The following ITGA8 variants were observed in gnomAD, a reference collection of about 807,000 sequenced individuals.
The protein encoded by ITGA8 is integrin alpha-8.
A neutral mutation model predicts 142.3 loss-of-function variants in ITGA8; 91 were observed. That is an observed-to-expected ratio of 0.64 (90% CI 0.54 to 0.76). The LOEUF is 0.76. Ranked by LOEUF, ITGA8 falls within the 30% of genes least tolerant of loss-of-function variation. ITGA8 has a pLI of 0.00. For synonymous variants in ITGA8, 505 were observed against 485.2 expected (o/e 1.04, Z -0.54); for missense variants, 1,406 against 1,327.7 (o/e 1.06, Z -0.92).
chr10:15,639,836 A>G (rs1833838920), intron 13 of ITGA8, among the ~76,000 whole-genome samples: 1 of 152,200 alleles, frequency 6.6e-6, no homozygotes, highest in Non-Finnish European at 1.5e-5. Flanking sequence ...TTTCCACGTG[A>G]TTTTAATATG....
At chr10:15,637,222 A>G (rs1379154267) in intron 13 of ITGA8, among the ~76,000 whole-genome samples, 1 of 152,216 alleles carries the variant, frequency 6.6e-6, no homozygotes, top group African/African-American at 2.4e-5. Context: ...GTGGCTCCAC[A>G]TGACTGTCAG....
intron 10 of ITGA8, among the ~76,000 whole-genome samples, chr10:15,658,295 CCTT>C (rs1834223157): frequency 3.9e-5 from 6 of 152,180 alleles, no homozygotes; most frequent in Admixed American, 3.3e-4. Flanking sequence ...TTTACAGTGA[CCTT>C]CTTCCCATAT....
chr10:15,687,915 A>T (rs1315619200), intron 3 of ITGA8, 23 bp downstream of exon 3: 3 of 1,400,032 alleles, frequency 2.1e-6, no homozygotes, highest in South Asian at 1.2e-5. Flanking sequence ...AAGCAGCAGC[A>T]CAAGCCCACG....
intron 6 of ITGA8, 67 bp from the exon 7 acceptor site, chr10:15,672,816 C>G (rs1834552605): frequency 7.0e-7 from 1 of 1,438,508 alleles, no homozygotes; most frequent in Non-Finnish European, 9.2e-7. Flanking sequence ...TGAGCAGACC[C>G]ACATTCCCTT....
At chr10:15,614,631 A>T (rs1430711888) in intron 14 of ITGA8, among the ~76,000 whole-genome samples, 3 of 152,194 alleles carry the variant, frequency 2.0e-5, no homozygotes, top group Non-Finnish European at 4.4e-5. Flanking sequence ...TGGTTCCAAG[A>T]TATGATCGTT....
chr10:15,600,551 C>T (rs758502909), intron 20 of ITGA8, among the ~76,000 whole-genome samples: 3 of 152,096 alleles, frequency 2.0e-5, no homozygotes, highest in South Asian at 2.1e-4. Flanking sequence ...CAGCATTTAG[C>T]GATGAGGCTG....
At chr10:15,708,964 G>A (rs1835312023) in intron 2 of ITGA8, among the ~76,000 whole-genome samples, 1 of 152,150 alleles carries the variant, frequency 6.6e-6, no homozygotes, top group Non-Finnish European at 1.5e-5. Flanking sequence ...ATAAACCTTA[G>A]ATGCTTTAAG....
chr10:15,646,783 C>A, intron 12 of ITGA8, 63 bp downstream of exon 12: 2 of 1,230,508 alleles, frequency 1.6e-6, no homozygotes, highest in Non-Finnish European at 2.4e-6. Flanking sequence ...TTAAAACAGG[C>A]ATGGTCTCCT....
At position 15,549,813 on chromosome 10, in the gene ITGA8, C is replaced by T. The variant is rs149242445; in HGVS notation, c.2767-1245G>A. Among the ~76,000 whole-genome samples the T allele has an allele frequency of 7.0e-4, 107 of 152,258 alleles. 2 individuals are homozygous for T. The East Asian group carries it at 0.018, about 26-fold the overall frequency. On this transcript the variant is annotated intron_variant, in intron 26 of 29. Coordinates refer to ENST00000378076, the MANE Select transcript of ITGA8 (RefSeq NM_003638.3). ...AACATATTACGACAAGAACCTTTTTCGAGAACATTTTTCAAGATCCTCAGA... is the reference window on the plus strand; with the variant it reads ...AACATATTACGACAAGAACCTTTTTTGAGAACATTTTTCAAGATCCTCAGA...
Position 15,606,422 on chromosome 10 carries a change from C to T in ITGA8, c.1765G>A (p.Asp589Asn). The T allele has an allele frequency of 1.3e-6, 2 of 1,587,008 alleles. No homozygotes were observed. Among genetic ancestry groups the T allele is most frequent in the Non-Finnish European group, 1.7e-6 (2 of 1,158,740 alleles). The change falls in exon 18 of 30, where the codon GAT becomes AAT. Residue 589 changes from aspartate to asparagine, a missense_variant and splice_region_variant. By Grantham distance (23) the Asp-to-Asn change is conservative. Transcript: ENST00000378076. ...QCQDFIVYLR[D>N]ETEFRDKLSP... is the part of the protein sequence containing the mutation. ...AATTTATCTCGGAATTCAGTTTCAT[C>T]CTAGGAAAAATAATCACAAACTCAA...
At position 15,710,021 on chromosome 10, in the gene ITGA8, C is replaced by A. The variant is rs1835334424; in HGVS notation, c.343+8745G>T. Among the ~76,000 whole-genome samples the A allele has an allele frequency of 2.0e-5, 3 of 152,064 alleles. No homozygotes were observed. The South Asian group carries it at 6.2e-4, about 32-fold the overall frequency. On this transcript the variant is annotated intron_variant, in intron 2 of 29. Transcript: ENST00000378076. ...TTAATTCTGATCTTTTATTGTTAAT[C>A]TTTACAGCACTTTAGTGAACTCAAT...
At chr10:15,600,332 T>A (rs1333916699) in intron 20 of ITGA8, among the ~76,000 whole-genome samples, 1 of 152,248 alleles carries the variant, frequency 6.6e-6, no homozygotes, top group Non-Finnish European at 1.5e-5. Flanking sequence ...GTTAGCCACC[T>A]CAATTATTAT....
chr10:15,548,486 C>G lies in ITGA8; in HGVS notation c.2849G>C (p.Arg950Thr), dbSNP rs1292293020. ...EGGESAVLKV[R>T]SRLWAHTFLQ... ...GAAGGTGTGGGCCCATAATCGTGACCTGACTTTCAGGACTGCGCTTTCTCC... is the reference window on the plus strand; with the variant it reads ...GAAGGTGTGGGCCCATAATCGTGACGTGACTTTCAGGACTGCGCTTTCTCC... Residue 950 changes from arginine to threonine, a missense_variant, in exon 27 of 30, where the codon AGG becomes ACG. Transcript: ENST00000378076. The G allele has an allele frequency of 1.8e-5, 29 of 1,609,388 alleles. No individual in the cohort carries two copies. Among genetic ancestry groups the G allele is most frequent in the African/African-American group, 2.7e-5 (2 of 74,478 alleles).
chr10:15,573,293 G>A (rs1834222360), intron 24 of ITGA8, among the ~76,000 whole-genome samples: 1 of 152,150 alleles, frequency 6.6e-6, no homozygotes, highest in Admixed American at 6.5e-5. Context: ...CCACATTTAT[G>A]CTAAGATTTG....
At chr10:15,672,576 A>G (rs201284728) in intron 7 of ITGA8, 48 bp downstream of exon 7, 22 of 1,576,174 alleles carry the variant, frequency 1.4e-5, no homozygotes, top group South Asian at 2.4e-5. Flanking sequence ...TACATTTACT[A>G]TGCTTGTCTT....
chr10:15,672,997 C>G (rs1681395182), intron 6 of ITGA8, among the ~76,000 whole-genome samples: 1 of 152,182 alleles, frequency 6.6e-6, no homozygotes, highest in Non-Finnish European at 1.5e-5. Flanking sequence ...ATACACACTC[C>G]ACCTCCAAAT....
intron 26 of ITGA8, among the ~76,000 whole-genome samples, chr10:15,554,807 A>G (rs1307945549): frequency 1.3e-5 from 2 of 151,944 alleles, no homozygotes; most frequent in African/African-American, 4.8e-5. Context: ...GCTGTACAGG[A>G]AGCATGACTG....
intron 3 of ITGA8, among the ~76,000 whole-genome samples, chr10:15,685,844 G>A (rs1303045635): frequency 6.6e-6 from 1 of 152,180 alleles, no homozygotes; most frequent in African/African-American, 2.4e-5. Flanking sequence ...TAGAAGTTTA[G>A]ATTCTCACAA....
chr10:15,707,948 ATG>A (rs1835290438), intron 2 of ITGA8, among the ~76,000 whole-genome samples: 1 of 146,698 alleles, frequency 6.8e-6, no homozygotes, highest in Admixed American at 7.1e-5. Context: ...GCTAAAATAA[ATG>A]TGCACACACC....
Sources: allele counts gnomAD v4.1 joint callset (sites outside exome capture counted in the v4.1 genomes callset), GRCh38; gene constraint gnomAD v4.1.1; transcripts MANE v1.5; gene names NCBI Gene and HGNC (gene_info 2026-07-23, HGNC 2026-07-21).